NEXN: variants seen among roughly 807,000 people sequenced by gnomAD.
NEXN encodes nexilin.
Under a neutral mutation model 92.6 loss-of-function variants are expected in NEXN, and 65 were observed. That is an observed-to-expected ratio of 0.70 (90% confidence interval 0.57 to 0.86). NEXN has a LOEUF of 0.86. Ranked by LOEUF, NEXN falls within the 40% of genes least tolerant of loss-of-function variation. The pLI is 0.00. For synonymous variants in NEXN, 254 were observed against 242.5 expected, an observed-to-expected ratio of 1.05 and a Z score of -0.44; for missense variants, 778 against 771.1, an observed-to-expected ratio of 1.01 and a Z score of -0.11.
intron 1 of NEXN, among the ~76,000 whole-genome samples, chr1:77,910,611 T>C (rs1217631917): frequency 6.6e-6 from 1 of 151,588 alleles, no homozygotes; most frequent in Non-Finnish European, 1.5e-5. Flanking sequence ...ATTAGCTGGG[T>C]GTCGTCGGTC....
chr1:77,921,081 A>C (rs375225414), intron 5 of NEXN, among the ~76,000 whole-genome samples: 238 of 152,336 alleles, frequency 1.6e-3, no homozygotes, highest in African/African-American at 5.5e-3. Flanking sequence ...AGCAAAGAAG[A>C]AAGCAAAAAA....
At chr1:77,916,187 T>C in intron 2 of NEXN, 54 bp downstream of exon 2, 1 of 1,413,622 alleles carries the variant, frequency 7.1e-7, no homozygotes, top group South Asian at 1.2e-5. Flanking sequence ...GAGTTGACTG[T>C]AGAATTGCTG....
At chr1:77,894,048 A>G (rs917804309) in intron 1 of NEXN, among the ~76,000 whole-genome samples, 1 of 151,212 alleles carries the variant, frequency 6.6e-6, no homozygotes, top group Non-Finnish European at 1.5e-5. Flanking sequence ...CTGGTCTCGA[A>G]CTCCTGACCT....
In NEXN at chr1:77,897,163, G is replaced by A. The variant is rs1291398765; in HGVS notation, c.-53+8404G>A. Among the ~76,000 whole-genome samples the A allele has an allele frequency of 3.9e-5, 6 of 152,174 alleles. 1 individual carries two copies. Among genetic ancestry groups the A allele is most frequent in the Admixed American group, 2.0e-4 (3 of 15,272 alleles). On this transcript the variant is annotated intron_variant, in intron 1 of 12. Transcript: ENST00000334785. ...ACTCCTCTCTAACTCATTTTATGAG[G>A]CCAGCATCATCCTGATACCAAAGCC... is the stretch of plus-strand genomic sequence containing the variant.
chr1:77,934,173 C>A lies in NEXN; in HGVS notation c.1251+694C>A, dbSNP rs542433025. On this transcript the variant is annotated intron_variant, in intron 10 of 12. Transcript: ENST00000334785. ...TACAGGCATGTGCCACGATGCCCGG[C>A]TAATTTTTGTATTTTTGGTAGAGAT... is the stretch of plus-strand genomic sequence containing the variant. Among the ~76,000 whole-genome samples the A allele has an allele frequency of 3.3e-5, 5 of 152,122 alleles. No individual in the cohort carries two copies. In the South Asian group the frequency reaches 1.0e-3, roughly 32 times the overall value.
At chr1:77,927,021 T>C in intron 8 of NEXN, 129 bp downstream of exon 8, 2 of 1,251,102 alleles carry the variant, frequency 1.6e-6, no homozygotes, top group African/African-American at 1.5e-5. Context: ...TATTCATATT[T>C]CATATATAAA....
chr1:77,935,519 A>G (rs147598181), intron 10 of NEXN, among the ~76,000 whole-genome samples: 1 of 152,358 alleles, frequency 6.6e-6, no homozygotes, highest in African/African-American at 2.4e-5. Flanking sequence ...TAATGCCTTA[A>G]ATTTGTAGCA....
Position 77,903,479 on chromosome 1 carries a change from C to T in NEXN, c.-52-12576C>T, listed in dbSNP as rs867314899. Among the ~76,000 whole-genome samples the T allele has an allele frequency of 5.3e-5, 8 of 151,670 alleles. No homozygotes were observed. In the East Asian group the frequency reaches 7.7e-4, roughly 15 times the overall value. ...AATTTGAAAATGTTTATCAGGATTCCGAAGAAAAGAAAACCAGTAAAGTGA... is the reference window on the plus strand; with the variant it reads ...AATTTGAAAATGTTTATCAGGATTCTGAAGAAAAGAAAACCAGTAAAGTGA... On this transcript the variant is annotated intron_variant, in intron 1 of 12. Coordinates refer to ENST00000334785, the MANE Select transcript of NEXN (RefSeq NM_144573.4).
chr1:77,926,883 G>A lies in NEXN; in HGVS notation c.855G>A (p.Arg285=), dbSNP rs753748512. The A allele has an allele frequency of 6.2e-7, 1 of 1,613,830 alleles. No individual in the cohort carries two copies. Among genetic ancestry groups the A allele is most frequent in the East Asian group, 2.2e-5 (1 of 44,850 alleles). The part of the protein sequence containing the change: ...EEEKRAFEEA[R]RQMVNEDEEN... ...AGAAGCGTGCTTTTGAAGAAGCAAG[G>A]CGGCAAATGGTAAATCTACATATTT... Residue 285 remains arginine (R), a synonymous_variant, in exon 8 of 13, where the codon AGG becomes AGA. Coordinates refer to ENST00000334785, the MANE Select transcript of NEXN (RefSeq NM_144573.4).
At position 77,925,234 on chromosome 1, in the gene NEXN, A is replaced by G; in HGVS notation, c.489+5A>G. 6.3e-7 allele frequency: 1 copy of G among 1,591,000 alleles called. No individual in the cohort carries two copies. Among genetic ancestry groups the G allele is most frequent in the Non-Finnish European group, 8.6e-7 (1 of 1,160,834 alleles). On this transcript the variant is annotated splice_donor_5th_base_variant and intron_variant, in intron 6 of 12. Transcript: ENST00000334785. Reference sequence around the variant, plus strand: ...GGAACTGAATCAGCATCAGAGGTAAACAGACATTTCCTTTAATGAAACATT... The same window carrying G: ...GGAACTGAATCAGCATCAGAGGTAAGCAGACATTTCCTTTAATGAAACATT...
chr1:77,911,784 A>G (rs1203603775), intron 1 of NEXN, among the ~76,000 whole-genome samples: 1 of 151,210 alleles, frequency 6.6e-6, no homozygotes, highest in African/African-American at 2.4e-5. Flanking sequence ...AAAATCCAAA[A>G]AAGATCTGAA....
intron 2 of NEXN, among the ~76,000 whole-genome samples, chr1:77,917,032 C>G (rs1252368187): frequency 1.3e-5 from 2 of 152,098 alleles, no homozygotes; most frequent in East Asian, 3.8e-4. Context: ...TGTACCTCAG[C>G]CACAAATAAG....
intron 1 of NEXN, among the ~76,000 whole-genome samples, chr1:77,894,675 G>A (rs1647183991): frequency 6.6e-6 from 1 of 151,832 alleles, no homozygotes; most frequent in Non-Finnish European, 1.5e-5. Flanking sequence ...AAAGTGCTGG[G>A]ATTACAGGCA....
Position 77,916,123 on chromosome 1 carries a change from A to G in NEXN, c.17A>G (p.Gln6Arg). 1 of 1,606,324 alleles carries G rather than the reference A, an allele frequency of 6.2e-7. No homozygotes were observed. ...AGAGCAAACATGAATGATATTTCCCAAAAGGCTGAGGTAAGTCTCAAAAGT... is the reference window on the plus strand; with the variant it reads ...AGAGCAAACATGAATGATATTTCCCGAAAGGCTGAGGTAAGTCTCAAAAGT... MNDIS[Q>R]KAEILLSSSK... Residue 6 changes from glutamine to arginine, a missense_variant, in exon 2 of 13, where the codon CAA (glutamine) becomes CGA (arginine). Physicochemically the swap from Gln to Arg is conservative, Grantham distance 43. Coordinates refer to ENST00000334785, the MANE Select transcript of NEXN (RefSeq NM_144573.4).
At chr1:77,940,820 GT>G (rs11365097) in intron 11 of NEXN, among the ~76,000 whole-genome samples, 2,361 of 152,234 alleles carry the variant, frequency 0.016, 52 homozygotes, top group African/African-American at 0.053. Flanking sequence ...AAAAAATGCT[GT>G]TCATTCATTC....
At chr1:77,888,903 G>A (rs1462517912) in intron 1 of NEXN, 144 bp downstream of exon 1, 1 of 152,460 alleles carries the variant, frequency 6.6e-6, no homozygotes, top group Non-Finnish European at 1.5e-5. Flanking sequence ...CAGCTCCGGA[G>A]GGCGCCGGGC....
At chr1:77,904,540 T>C (rs926765074) in intron 1 of NEXN, among the ~76,000 whole-genome samples, 5 of 152,200 alleles carry the variant, frequency 3.3e-5, no homozygotes, top group African/African-American at 1.2e-4. Flanking sequence ...ATTGAAAAGC[T>C]TTATGTGATA....
chr1:77,899,726 G>A (rs1330509941), intron 1 of NEXN, among the ~76,000 whole-genome samples: 1 of 151,964 alleles, frequency 6.6e-6, no homozygotes, highest in African/African-American at 2.4e-5. Context: ...CAGGGACTTT[G>A]ACTTTTTGTT....
In NEXN at chr1:77,942,820, T is replaced by G. The variant is rs539689450; in HGVS notation, c.2019T>G (p.Ser673Arg). 1 of 1,606,066 alleles carries G rather than the reference T, an allele frequency of 6.2e-7. No individual in the cohort carries two copies. The highest frequency in any genetic ancestry group is 1.3e-5 in the African/African-American group (1 of 74,730). The change falls in exon 13 of 13, where the codon AGT becomes AGG. Residue 673 changes from serine (S) to arginine (R), a missense_variant. Physicochemically the swap from Ser to Arg is moderately radical, Grantham distance 110. Transcript: ENST00000334785. ...GTACCTGTATTCTTACCATTGAAAG[T>G]AAGAATTAATCACTCTTTTTATCTT... is the stretch of plus-strand genomic sequence containing the variant. ...AASTCILTIE[S>R]KN
Sources: allele counts gnomAD v4.1 joint callset (sites outside exome capture counted in the v4.1 genomes callset), GRCh38; gene constraint gnomAD v4.1.1; transcripts MANE v1.5; gene names NCBI Gene and HGNC (gene_info 2026-07-23, HGNC 2026-07-21).